NPAT: variants seen among roughly 807,000 people sequenced by gnomAD.
The protein encoded by NPAT is protein NPAT.
A neutral mutation model predicts 130.7 loss-of-function variants in NPAT; 52 were observed. The observed-to-expected ratio is 0.40, with a 90% CI of 0.32 to 0.50. NPAT has a LOEUF of 0.50. Among genes scored for constraint, NPAT ranks in the 20% least tolerant of loss-of-function variants. The probability of loss-of-function intolerance (pLI) is 0.68; values close to 1 mark genes in which losing one functional copy is unlikely to be tolerated. For synonymous variants in NPAT, 580 were observed against 584.8 expected, an observed-to-expected ratio of 0.99 and a Z score of 0.12; for missense variants, 1,687 against 1,662.6, an observed-to-expected ratio of 1.01 and a Z score of -0.26.
chr11:108,168,868 T>G lies in NPAT; in HGVS notation c.3010+876A>C, dbSNP rs183897208. Among the ~76,000 whole-genome samples, 607 of 152,100 alleles carry G rather than the reference T, an allele frequency of 4.0e-3. 4 individuals carry two copies. Among genetic ancestry groups the G allele is most frequent in the Admixed American group, 7.1e-3 (108 of 15,266 alleles). ...ACAAAGGGTCCATGCTGGGAAGTGG[T>G]AAGAGATGAGATGGAGAGGTCGAGA... On this transcript the variant is annotated intron_variant, in intron 15 of 17. Coordinates refer to ENST00000278612, the MANE Select transcript of NPAT (RefSeq NM_002519.3).
At chr11:108,216,023 C>T (rs2078432747) in intron 1 of NPAT, among the ~76,000 whole-genome samples, 2 of 152,066 alleles carry the variant, frequency 1.3e-5, no homozygotes, top group South Asian at 2.1e-4. Flanking sequence ...GCTGGCTTTC[C>T]GACCGTTATA....
intron 1 of NPAT, among the ~76,000 whole-genome samples, chr11:108,199,412 C>T (rs898038393): frequency 1.3e-5 from 2 of 152,188 alleles, no homozygotes; most frequent in Non-Finnish European, 2.9e-5. Context: ...GCGAGCGAGG[C>T]CCAGGCAGGC....
chr11:108,189,043 A>G (rs2078136522), intron 6 of NPAT, 63 bp downstream of exon 6: 8 of 1,273,652 alleles, frequency 6.3e-6, no homozygotes, highest in Admixed American at 3.6e-5. Flanking sequence ...AGACATTAGT[A>G]TATTATCTCA....
Position 108,172,306 on chromosome 11 carries a change from T to A in NPAT, c.2678A>T (p.Asn893Ile), listed in dbSNP as rs1420709809. 1 of 1,614,068 alleles carries A rather than the reference T, an allele frequency of 6.2e-7. No individual in the cohort carries two copies. Among genetic ancestry groups the A allele is most frequent in the Non-Finnish European group, 8.5e-7 (1 of 1,180,010 alleles). ...AGGTTGAGCAGTCATAGGTGCAGAA[T>A]TTCCAGGCAACACCACTACATTAGA... ...SQSNVVVLPG[N>I]SAPMTAQPLP... Residue 893 changes from asparagine (N) to isoleucine (I), a missense_variant, in exon 13 of 18, where the codon AAT becomes ATT. Around this residue, in one of 3 missense-constraint regions of NPAT, gnomAD observed 1,379 missense variants for 1,346.6 expected, o/e 1.02. Coordinates refer to ENST00000278612, the MANE Select transcript of NPAT (RefSeq NM_002519.3).
intron 1 of NPAT, among the ~76,000 whole-genome samples, chr11:108,201,546 C>A (rs542823242): frequency 6.6e-6 from 1 of 152,178 alleles, no homozygotes; most frequent in Non-Finnish European, 1.5e-5. Context: ...AGGTCCAGCC[C>A]AGAAACCTGT....
intron 3 of NPAT, 28 bp downstream of exon 3, chr11:108,193,929 C>A: frequency 1.4e-6 from 2 of 1,386,388 alleles, no homozygotes; most frequent in East Asian, 2.3e-5. Flanking sequence ...TATACATCAG[C>A]AAAAAAACTC....
intron 15 of NPAT, among the ~76,000 whole-genome samples, chr11:108,168,651 C>G (rs1293732378): frequency 1.3e-5 from 2 of 152,122 alleles, no homozygotes; most frequent in African/African-American, 4.8e-5. Context: ...ACCGGAATAT[C>G]CACCTCAGCC....
intron 17 of NPAT, 113 bp downstream of exon 17, chr11:108,160,767 G>C: frequency 1.1e-6 from 1 of 910,858 alleles, no homozygotes; most frequent in Non-Finnish European, 1.7e-6. Flanking sequence ...AAAACTAAAA[G>C]CTGTCTTAGC....
rs111247716 is a variant in NPAT at position 108,181,737 on chromosome 11, TA to T, written c.906+3494del. ...AAGGAGGCCTGCATCGAGGTCATAA[TA>T]AAAAAAAAAAAAATCCTCCTCCTAA... On this transcript the variant is annotated intron_variant, in intron 10 of 17. Transcript: ENST00000278612. Among the ~76,000 whole-genome samples the T allele has an allele frequency of 6.3e-3, 872 of 139,488 alleles. 3 individuals carry two copies. Among genetic ancestry groups the T allele is most frequent in the East Asian group, 0.016 (79 of 4,908 alleles). The allele number at this position is 139,488 out of a possible 152,430, so 91.5% of individuals were successfully genotyped here.
intron 1 of NPAT, among the ~76,000 whole-genome samples, chr11:108,216,371 G>A (rs1009396536): frequency 2.0e-5 from 3 of 152,152 alleles, no homozygotes; most frequent in South Asian, 2.1e-4. Flanking sequence ...CTAAGAGGCT[G>A]AAAATTGGTT....
intron 1 of NPAT, among the ~76,000 whole-genome samples, chr11:108,221,974 G>C (rs768142961): frequency 2.5e-4 from 38 of 152,142 alleles, no homozygotes; most frequent in Non-Finnish European, 4.4e-4. Context: ...CCTCTACACT[G>C]GACGACGTAT....
At position 108,159,011 on chromosome 11, in the gene NPAT, C is replaced by A; in HGVS notation, c.4215G>T (p.Lys1405Asn). ...PMKKKKIKKK[K>N]LPSSFPAGMD... ...TTCCTGCTGGAAATGAACTGGGAAG[C>A]TTCTTTTTCTGTTGAAAAAGAGAAA... Residue 1405 changes from lysine to asparagine, a missense_variant, in exon 18 of 18, where the codon AAG becomes AAT. By Grantham distance (94) the Lys-to-Asn change is moderately conservative. This residue lies in a region of NPAT where 1,379 missense variants were observed against 1,346.6 expected (regional missense o/e 1.02). Coordinates refer to ENST00000278612, the MANE Select transcript of NPAT (RefSeq NM_002519.3). 1 of 1,604,184 alleles carries A rather than the reference C, an allele frequency of 6.2e-7. No homozygotes were observed. Among genetic ancestry groups the A allele is most frequent in the Non-Finnish European group, 8.5e-7 (1 of 1,175,290 alleles).
intron 11 of NPAT, 36 bp downstream of exon 11, chr11:108,176,958 C>T (rs1565313348): frequency 2.9e-6 from 4 of 1,367,380 alleles, no homozygotes; most frequent in East Asian, 2.3e-5. Context: ...TTGTAGAAGC[C>T]TTTTTTTTCT....
At chr11:108,171,150 A>C (rs1351518707) in intron 13 of NPAT, 1 of 72,770 alleles carries the variant, frequency 1.4e-5, no homozygotes, top group African/African-American at 5.6e-5. Context: ...TTTTTTTTGG[A>C]GACAGAGTCT....
intron 1 of NPAT, among the ~76,000 whole-genome samples, chr11:108,200,160 G>A (rs765421201): frequency 3.3e-5 from 5 of 152,092 alleles, no homozygotes; most frequent in African/African-American, 9.7e-5. Context: ...AGTTGTTTCC[G>A]CCCCCGCAAT....
At chr11:108,219,596 G>C (rs184499702) in intron 1 of NPAT, among the ~76,000 whole-genome samples, 1 of 152,232 alleles carries the variant, frequency 6.6e-6, no homozygotes, top group East Asian at 1.9e-4. Flanking sequence ...ATTCATCCAT[G>C]ACTAAGACTA....
intron 5 of NPAT, 59 bp downstream of exon 5, chr11:108,190,401 T>C (rs997789278): frequency 1.6e-6 from 2 of 1,276,376 alleles, no homozygotes; most frequent in Non-Finnish European, 2.3e-6. Flanking sequence ...AATTAAAATG[T>C]TCATCTGATA....
At position 108,222,606 on chromosome 11, in the gene NPAT, T is replaced by A. The variant is rs988640098; in HGVS notation, c.-70A>T. ...TTAAAGCAAACACAGCGACAGCTCCTGCGCCGCATCTCCTGGTTCCAGTGG... is the reference window on the plus strand; with the variant it reads ...TTAAAGCAAACACAGCGACAGCTCCAGCGCCGCATCTCCTGGTTCCAGTGG... On this transcript the variant is annotated 5_prime_UTR_variant, in exon 1 of 18. Transcript: ENST00000278612. 1 of 1,554,036 alleles carries A rather than the reference T, an allele frequency of 6.4e-7. No homozygotes were observed. The highest frequency in any genetic ancestry group is 1.1e-5 in the South Asian group (1 of 88,418).
At chr11:108,193,887 C>T (rs907062931) in intron 3 of NPAT, 70 bp downstream of exon 3, 2 of 960,316 alleles carry the variant, frequency 2.1e-6, no homozygotes, top group Admixed American at 3.8e-5. Flanking sequence ...CTTTAGAAAT[C>T]ATTTTTAACT....
Sources: allele counts gnomAD v4.1 joint callset (sites outside exome capture counted in the v4.1 genomes callset), GRCh38; gene constraint gnomAD v4.1.1; regional missense constraint gnomAD v4.1.1; transcripts MANE v1.5; gene names NCBI Gene and HGNC (gene_info 2026-07-23, HGNC 2026-07-21).